The following IQSEC3 variants were observed in gnomAD, a reference collection of about 807,000 sequenced individuals.
The protein encoded by IQSEC3 is IQ motif and Sec7 domain ArfGEF 3, also known as IQ motif and SEC7 domain-containing protein 3.
Under a neutral mutation model 105.4 loss-of-function variants are expected in IQSEC3, and 50 were observed. The observed-to-expected ratio is 0.47, with a 90% confidence interval of 0.38 to 0.60. IQSEC3 has a LOEUF of 0.60. Ranked by LOEUF, IQSEC3 falls within the 20% of genes least tolerant of loss-of-function variation. IQSEC3 has a pLI of 0.00. For missense variants in IQSEC3, 1,415 were observed against 1,630.0 expected (o/e 0.87, Z 2.27); for synonymous variants, 708 against 746.0 (o/e 0.95, Z 0.83).
At chr12:139,460 G>C in intron 4 of IQSEC3, 106 bp downstream of exon 4, 1 of 920,598 alleles carries the variant, frequency 1.1e-6, no homozygotes, top group Non-Finnish European at 1.6e-6. Flanking sequence ...AACTTCCCAC[G>C]TCATGCCAGG....
At chr12:168,949 C>T in intron 11 of IQSEC3, 64 bp from the exon 12 acceptor site, 1 of 1,383,328 alleles carries the variant, frequency 7.2e-7, no homozygotes, top group Non-Finnish European at 1.0e-6. Context: ...CCCTCATTTC[C>T]TGCCTCGCCT....
At chr12:132,253 C>T (rs1280057232) in intron 3 of IQSEC3, among the ~76,000 whole-genome samples, 1 of 152,046 alleles carries the variant, frequency 6.6e-6, no homozygotes, top group Non-Finnish European at 1.5e-5. Flanking sequence ...AAATGAGTCC[C>T]CAAGCAGGGA....
intron 1 of IQSEC3, among the ~76,000 whole-genome samples, chr12:79,854 G>A (rs1182519348): frequency 1.3e-5 from 2 of 151,972 alleles, no homozygotes; most frequent in African/African-American, 4.8e-5. Flanking sequence ...TATTTCTCAC[G>A]TCTTTCCAGC....
At position 138,480 on chromosome 12, in the gene IQSEC3, G is replaced by A; in HGVS notation, c.1117G>A (p.Gly373Ser). The A allele has an allele frequency of 1.9e-6, 3 of 1,596,686 alleles. No homozygotes were observed. Among genetic ancestry groups the A allele is most frequent in the East Asian group, 2.2e-5 (1 of 44,484 alleles). ...GGCGGCCGAGAAAGCGCTCATGGAGGGCTACGGCCTCGTGGGGCTGCCGCT... is the reference window on the plus strand; with the variant it reads ...GGCGGCCGAGAAAGCGCTCATGGAGAGCTACGGCCTCGTGGGGCTGCCGCT... ...SLAAEKALME[G>S]YGLVGLPLVR... Residue 373 changes from glycine to serine, a missense_variant, in exon 4 of 14, where the codon GGC (glycine) becomes AGC (serine). Physicochemically the swap from Gly to Ser is moderately conservative, Grantham distance 56. Around this residue, in one of 6 missense-constraint regions of IQSEC3, gnomAD observed 720 missense variants for 633.0 expected, o/e 1.14. Coordinates refer to ENST00000538872, the MANE Select transcript of IQSEC3 (RefSeq NM_001170738.2). The surrounding 1 kb of genome is among the most constrained non-coding windows in gnomAD (Gnocchi z 7.1).
At position 135,360 on chromosome 12, in the gene IQSEC3, C is replaced by T. The variant is rs187789235; in HGVS notation, c.904-2907C>T. Among the ~76,000 whole-genome samples, 834 of 152,246 alleles carry T rather than the reference C, an allele frequency of 5.5e-3. 12 individuals are homozygous for T. The highest frequency in any genetic ancestry group is 0.018 in the African/African-American group (760 of 41,534). On this transcript the variant is annotated intron_variant, in intron 3 of 13. Coordinates refer to ENST00000538872, the MANE Select transcript of IQSEC3 (RefSeq NM_001170738.2). ...AGAATGAGCCAAGCTACATTATTTCCACAGGAGCAGGAACAGAATGCCTCA... is the reference window on the plus strand; with the variant it reads ...AGAATGAGCCAAGCTACATTATTTCTACAGGAGCAGGAACAGAATGCCTCA...
intron 5 of IQSEC3, among the ~76,000 whole-genome samples, chr12:146,486 AT>A (rs1175458704): frequency 1.3e-5 from 2 of 151,810 alleles, no homozygotes; most frequent in Admixed American, 6.6e-5. Context: ...CTACAAAAAA[AT>A]TTTTTTTAAG....
At chr12:130,778 A>G (rs906280276) in intron 3 of IQSEC3, among the ~76,000 whole-genome samples, 4 of 152,196 alleles carry the variant, frequency 2.6e-5, no homozygotes, top group African/African-American at 9.6e-5. Flanking sequence ...AGGAGGCCAC[A>G]GCCCTGCCCA....
intron 11 of IQSEC3, among the ~76,000 whole-genome samples, chr12:166,593 G>T (rs1300514503): frequency 6.6e-6 from 1 of 152,210 alleles, no homozygotes; most frequent in Non-Finnish European, 1.5e-5. Flanking sequence ...CATCACGGAG[G>T]CGCCAGATAG....
chr12:136,732 T>G (rs1460251398), intron 3 of IQSEC3, among the ~76,000 whole-genome samples: 1 of 152,108 alleles, frequency 6.6e-6, no homozygotes, highest in Non-Finnish European at 1.5e-5. Context: ...TGGTTGTGAA[T>G]AGGAAACACT....
In IQSEC3 at chr12:125,798, C is replaced by A. The variant is rs1365991984; in HGVS notation, c.789C>A (p.Gly263=). ...PGAGAASPRA[G]PQHKASPGRQ... is the part of the protein sequence containing the mutation. ...CAGGGGCTGCCTCCCCAAGGGCTGG[C>A]CCCCAGCACAAGGCCTCCCCCGGCC... Residue 263 remains glycine (G), a synonymous_variant, in exon 3 of 14, where the codon GGC becomes GGA. Coordinates refer to ENST00000538872, the MANE Select transcript of IQSEC3 (RefSeq NM_001170738.2). The A allele has an allele frequency of 1.6e-5, 24 of 1,522,510 alleles. No individual in the cohort carries two copies. The highest frequency in any genetic ancestry group is 1.9e-5 in the Non-Finnish European group (22 of 1,141,534). 94.3% of individuals were successfully genotyped at this position (1,522,510 alleles called of 1,614,324 possible).
chr12:174,986 C>T lies in IQSEC3; in HGVS notation c.3502C>T (p.Leu1168=). Residue 1168 remains leucine, a synonymous_variant, in exon 14 of 14, where the codon CTG becomes TTG. Coordinates refer to ENST00000538872, the MANE Select transcript of IQSEC3 (RefSeq NM_001170738.2). ...HPHQFCPPGS[L]LHGHRYSSGS... ...TCACCAGTTCTGTCCCCCAGGCTCC[C>T]TGCTGCACGGGCACCGCTACTCCAG... 2 of 1,578,620 alleles carry T rather than the reference C, an allele frequency of 1.3e-6. No homozygotes were observed. Among genetic ancestry groups the T allele is most frequent in the South Asian group, 2.3e-5 (2 of 87,120 alleles).
chr12:174,673 G>T lies in IQSEC3; in HGVS notation c.3189G>T (p.Pro1063=). 1.3e-6 allele frequency: 2 copies of T among 1,589,458 alleles called. No individual in the cohort carries two copies. Among genetic ancestry groups the T allele is most frequent in the Non-Finnish European group, 1.7e-6 (2 of 1,175,278 alleles). ...GLGAERGAPV[P]PPDLQPSPPR... ...GGGCCGAGAGGGGAGCGCCGGTGCC[G>T]CCGCCAGACCTGCAGCCTAGCCCCC... is the stretch of plus-strand genomic sequence containing the variant. The change falls in exon 14 of 14, where the codon CCG becomes CCT. Residue 1063 remains proline (P), a synonymous_variant. Coordinates refer to ENST00000538872, the MANE Select transcript of IQSEC3 (RefSeq NM_001170738.2).
At chr12:108,622 C>T (rs185740070) in intron 2 of IQSEC3, among the ~76,000 whole-genome samples, 54 of 152,292 alleles carry the variant, frequency 3.5e-4, no homozygotes, top group South Asian at 1.7e-3. Context: ...CTCTCATTTC[C>T]GTAAGAAACT....
chr12:92,570 G>A (rs1362667247), intron 1 of IQSEC3, among the ~76,000 whole-genome samples: 2 of 152,164 alleles, frequency 1.3e-5, no homozygotes, highest in Non-Finnish European at 2.9e-5. Flanking sequence ...TCGGGCCTAC[G>A]GGGACCTCTC....
chr12:156,776 T>G (rs1555094370), intron 5 of IQSEC3, among the ~76,000 whole-genome samples: 3 of 152,202 alleles, frequency 2.0e-5, no homozygotes, highest in African/African-American at 7.2e-5. Context: ...AGATCCGAGT[T>G]CAGCCTCCCT....
chr12:76,231 G>A (rs1249728373), intron 1 of IQSEC3, among the ~76,000 whole-genome samples: 1 of 152,238 alleles, frequency 6.6e-6, no homozygotes. Flanking sequence ...GAAAAGAGAG[G>A]AAAGAGCTGG....
At chr12:87,051 A>G (rs782620024) in intron 1 of IQSEC3, among the ~76,000 whole-genome samples, 1 of 152,088 alleles carries the variant, frequency 6.6e-6, no homozygotes, top group Non-Finnish European at 1.5e-5. Context: ...CAAATAACCA[A>G]CAACATGCTG....
At chr12:112,612 T>A (rs1044417280) in intron 2 of IQSEC3, among the ~76,000 whole-genome samples, 44 of 152,274 alleles carry the variant, frequency 2.9e-4, no homozygotes, top group African/African-American at 1.1e-3. Context: ...GGCATCCCCC[T>A]CTTCTCTGGG....
At chr12:113,581 G>GA (rs1287777474) in intron 2 of IQSEC3, among the ~76,000 whole-genome samples, 1 of 152,154 alleles carries the variant, frequency 6.6e-6, no homozygotes, top group African/African-American at 2.4e-5. Context: ...CTGAAGCTTT[G>GA]AAGTCTTGGA....
Sources: gnomAD v4.1 joint callset for allele counts (sites outside exome capture counted in the v4.1 genomes callset) on GRCh38, gnomAD v4.1.1 for gene constraint, gnomAD v4.1.1 regional missense constraint, Gnocchi (gnomAD v3.1) non-coding constraint, MANE v1.5 for transcripts, NCBI Gene and HGNC (gene_info 2026-07-23, HGNC 2026-07-21) for gene names.